SESTD1: variants seen among roughly 807,000 people sequenced by gnomAD.
SESTD1 encodes SEC14 and spectrin domain containing 1.
SESTD1 carries 43 observed loss-of-function variants against 101.7 expected under a neutral mutation model. The observed-to-expected ratio is 0.42, with a 90% confidence interval of 0.33 to 0.55. The LOEUF is 0.55. Among genes scored for constraint, SESTD1 ranks in the 20% least tolerant of loss-of-function variants. The pLI is 0.07. For synonymous variants in SESTD1, 283 were observed against 286.8 expected (o/e 0.99, Z 0.13); for missense variants, 647 against 815.1 (o/e 0.79, Z 2.51).
intron 1 of SESTD1, among the ~76,000 whole-genome samples, chr2:179,229,912 C>T (rs2046957827): frequency 6.7e-6 from 1 of 149,954 alleles, no homozygotes; most frequent in African/African-American, 2.4e-5. Flanking sequence ...CAGAAGAGGA[C>T]ATTCCTGAAT....
chr2:179,230,111 C>CTTT (rs1559153333), intron 1 of SESTD1, among the ~76,000 whole-genome samples: 5 of 80,358 alleles, frequency 6.2e-5, no homozygotes, highest in Admixed American at 3.9e-4. Context: ...TGGATTGTAT[C>CTTT]TCTTTTTTTT....
chr2:179,250,755 G>A (rs192984040), intron 1 of SESTD1, among the ~76,000 whole-genome samples: 16 of 152,266 alleles, frequency 1.1e-4, no homozygotes, highest in African/African-American at 3.1e-4. Context: ...AGGGGTTAGA[G>A]CTTCACACAA....
At chr2:179,182,720 C>T (rs536018513) in intron 3 of SESTD1, among the ~76,000 whole-genome samples, 2 of 152,054 alleles carry the variant, frequency 1.3e-5, no homozygotes, top group African/African-American at 2.4e-5. Context: ...TACATTAAAA[C>T]CTGCAGACGT....
At chr2:179,187,102 G>C (rs946252336) in intron 2 of SESTD1, among the ~76,000 whole-genome samples, 3 of 151,920 alleles carry the variant, frequency 2.0e-5, no homozygotes, top group African/African-American at 7.3e-5. Flanking sequence ...CTAGACCAAA[G>C]AGATCCTTAA....
chr2:179,171,628 T>C (rs2045932007), intron 5 of SESTD1, among the ~76,000 whole-genome samples: 1 of 152,172 alleles, frequency 6.6e-6, no homozygotes, highest in African/African-American at 2.4e-5. Flanking sequence ...TAGTGCTTTT[T>C]TCTAACCTAC....
rs141203169 is a variant in SESTD1 at position 179,229,782 on chromosome 2, TACACACACACACACACACAC to T, written c.-26+34697_-26+34716del. 3.5e-5 allele frequency among the ~76,000 whole-genome samples: 4 copies of T among 115,462 alleles called. No homozygotes were observed. The East Asian group carries it at 7.3e-4, about 21-fold the overall frequency. The allele number at this position is 115,462 out of a possible 152,430, so 75.7% of individuals were successfully genotyped here. On this transcript the variant is annotated intron_variant, in intron 1 of 17. Transcript: ENST00000428443. ...ATATATATATATATATATACTCAAA[TACACACACACACACACACAC>T]ACACACACACACACAACCCTACTTG... is the stretch of plus-strand genomic sequence containing the variant.
intron 5 of SESTD1, among the ~76,000 whole-genome samples, chr2:179,170,761 G>C (rs2045917424): frequency 6.6e-6 from 1 of 152,148 alleles, no homozygotes; most frequent in South Asian, 2.1e-4. Flanking sequence ...AGGGAGAGAG[G>C]CTGGAGACTG....
chr2:179,134,339 TATAAC>T (rs1487848940), intron 9 of SESTD1, among the ~76,000 whole-genome samples: 1 of 152,194 alleles, frequency 6.6e-6, no homozygotes, highest in African/African-American at 2.4e-5. Context: ...CTATTGTTAT[TATAAC>T]ATAATTTTCA....
intron 1 of SESTD1, among the ~76,000 whole-genome samples, chr2:179,201,941 T>TAATAAC (rs1284815432): frequency 1.6e-5 from 2 of 126,012 alleles, no homozygotes; most frequent in Non-Finnish European, 3.3e-5. Flanking sequence ...ATAATAATAA[T>TAATAAC]AATAATAATA....
intron 1 of SESTD1, among the ~76,000 whole-genome samples, chr2:179,229,870 T>C (rs2046956970): frequency 6.9e-6 from 1 of 144,056 alleles, no homozygotes; most frequent in Non-Finnish European, 1.5e-5. Flanking sequence ...AAAAAAGCCA[T>C]CCAACAAACA....
In SESTD1 at chr2:179,138,120, T is replaced by C. The variant is rs544989698; in HGVS notation, c.849+5472A>G. ...TGTTATCCTGATAAAGAAAACTGAA[T>C]ATGAAGTTTACCAGTTTTTAACAGT... On this transcript the variant is annotated intron_variant, in intron 9 of 17. Transcript: ENST00000428443. 2.7e-5 allele frequency among the ~76,000 whole-genome samples: 4 copies of C among 150,902 alleles called. No individual in the cohort carries two copies. The South Asian group carries it at 8.3e-4, about 31-fold the overall frequency.
intron 6 of SESTD1, 107 bp from the exon 7 acceptor site, chr2:179,149,501 CT>C: frequency 1.4e-6 from 1 of 696,994 alleles, no homozygotes; most frequent in Non-Finnish European, 2.2e-6. Flanking sequence ...ATATGTTTTC[CT>C]TCCCCAGCAG....
intron 13 of SESTD1, among the ~76,000 whole-genome samples, chr2:179,119,592 G>A (rs1261433188): frequency 1.3e-5 from 2 of 152,172 alleles, no homozygotes; most frequent in Admixed American, 1.3e-4. Flanking sequence ...CTGCAAAGCT[G>A]TGAGTCAATT....
At chr2:179,228,076 C>T (rs1258816747) in intron 1 of SESTD1, among the ~76,000 whole-genome samples, 1 of 152,142 alleles carries the variant, frequency 6.6e-6, no homozygotes, top group Non-Finnish European at 1.5e-5. Flanking sequence ...TCCCTTCCCT[C>T]GTAGGAATCT....
intron 2 of SESTD1, 38 bp from the exon 3 acceptor site, chr2:179,183,226 T>C (rs760141445): frequency 7.8e-7 from 1 of 1,283,676 alleles, no homozygotes; most frequent in Non-Finnish European, 1.1e-6. Flanking sequence ...ATGTAATACA[T>C]ATTAAGGCAT....
In SESTD1 at chr2:179,237,336, C is replaced by T. The variant is rs138113019; in HGVS notation, c.-26+27163G>A. On this transcript the variant is annotated intron_variant, in intron 1 of 17. Transcript: ENST00000428443. ...TAATACCCCATTCTCCTGGTTTTTCCGATGACCTTCTGATGTTCACTTTGT... is the reference window on the plus strand; with the variant it reads ...TAATACCCCATTCTCCTGGTTTTTCTGATGACCTTCTGATGTTCACTTTGT... Among the ~76,000 whole-genome samples, 185 of 152,200 alleles carry T rather than the reference C, an allele frequency of 1.2e-3. 1 individual carries two copies. Among genetic ancestry groups the T allele is most frequent in the African/African-American group, 3.8e-3 (158 of 41,550 alleles).
intron 5 of SESTD1, among the ~76,000 whole-genome samples, chr2:179,166,361 T>C (rs2045834333): frequency 6.6e-6 from 1 of 151,582 alleles, no homozygotes; most frequent in Non-Finnish European, 1.5e-5. Flanking sequence ...ATGCTATCTC[T>C]CCTATGAAAA....
chr2:179,181,746 T>C (rs1255220543), intron 3 of SESTD1, among the ~76,000 whole-genome samples: 1 of 152,114 alleles, frequency 6.6e-6, no homozygotes, highest in Non-Finnish European at 1.5e-5. Flanking sequence ...TATGAATCCA[T>C]CTATGAATAT....
rs1014870185 is a variant in SESTD1, at chr2:179,212,836, G to A, written c.-25-20970C>T. On this transcript the variant is annotated intron_variant, in intron 1 of 17. Transcript: ENST00000428443. ...ATTTGCTGTTCTGCAGCCTCCGCTG[G>A]TGATACCCAGGCAAACAGGGTCTGG... is the stretch of plus-strand genomic sequence containing the variant. Among the ~76,000 whole-genome samples the A allele has an allele frequency of 3.7e-5, 5 of 134,954 alleles. 1 individual carries two copies. Among genetic ancestry groups the A allele is most frequent in the Admixed American group, 7.2e-5 (1 of 13,932 alleles). The allele number at this position is 134,954 out of a possible 152,430, so 88.5% of individuals were successfully genotyped here.
Sources: gnomAD v4.1 joint callset for allele counts (sites outside exome capture counted in the v4.1 genomes callset) on GRCh38, gnomAD v4.1.1 for gene constraint, MANE v1.5 for transcripts, NCBI Gene and HGNC (gene_info 2026-07-23, HGNC 2026-07-21) for gene names.